The following ENOSF1 variants were observed in gnomAD, a reference collection of about 807,000 sequenced individuals.
The protein encoded by ENOSF1 is mitochondrial enolase superfamily member 1.
ENOSF1 carries 73 observed loss-of-function variants against 68.2 expected under a neutral mutation model. The ratio of observed to expected loss-of-function variants is 1.07; its 90% CI spans 0.89 to 1.30. ENOSF1 has a LOEUF of 1.30. ENOSF1 is among the 50% of genes most tolerant of loss of function. ENOSF1 has a pLI of 0.00. For missense variants in ENOSF1, 589 were observed against 554.5 expected (o/e 1.06, Z -0.62); for synonymous variants, 223 against 210.4 (o/e 1.06, Z -0.52).
At chr18:700,518 T>C (rs2078222991) in intron 2 of ENOSF1, among the ~76,000 whole-genome samples, 1 of 152,178 alleles carries the variant, frequency 6.6e-6, no homozygotes, top group South Asian at 2.1e-4. Context: ...CAAGCAGCAC[T>C]TATGTATTCA....
intron 2 of ENOSF1, among the ~76,000 whole-genome samples, chr18:700,711 C>T (rs1230375487): frequency 6.6e-6 from 1 of 151,800 alleles, no homozygotes; most frequent in Non-Finnish European, 1.5e-5. Flanking sequence ...ATGGTGAAAC[C>T]CTGTCTCTAC....
At chr18:677,267 T>C (rs1052450299) in intron 14 of ENOSF1, 78 bp downstream of exon 14, 8 of 1,218,386 alleles carry the variant, frequency 6.6e-6, no homozygotes, top group African/African-American at 3.0e-5. Flanking sequence ...GTTCTGGTCA[T>C]GAAGGCAGAA....
intron 9 of ENOSF1, chr18:688,167 CAA>C (rs113399783): frequency 7.5e-5 from 11 of 145,846 alleles, no homozygotes; most frequent in Admixed American, 1.4e-4. Flanking sequence ...AACTTCATCT[CAA>C]AAAAAAAAAA....
intron 5 of ENOSF1, 156 bp downstream of exon 5, chr18:693,726 G>C (rs2077437314): frequency 1.0e-6 from 1 of 985,232 alleles, no homozygotes; most frequent in Admixed American, 6.2e-5. Context: ...TCAGATATCA[G>C]AAAAGGAATG....
chr18:707,470 G>A (rs2145483950), intron 1 of ENOSF1: 1 of 152,334 alleles, frequency 6.6e-6, no homozygotes, highest in East Asian at 1.9e-4. Context: ...CTCACTTATA[G>A]CAGTTTATAG....
At chr18:708,491 C>A (rs749784300) in intron 1 of ENOSF1, among the ~76,000 whole-genome samples, 1 of 151,684 alleles carries the variant, frequency 6.6e-6, no homozygotes, top group African/African-American at 2.4e-5. Context: ...GGCAACAAAG[C>A]GAGACCCCAT....
In ENOSF1 at chr18:670,674, C is replaced by A; in HGVS notation, c.*3631G>T. Reference sequence around the variant, plus strand: ...TCAAACCACCATCCCTCCTTATCTTCCTCTGCTGGTTCCTCAGATCTTCCT... The same window carrying A: ...TCAAACCACCATCCCTCCTTATCTTACTCTGCTGGTTCCTCAGATCTTCCT... On this transcript the variant is annotated 3_prime_UTR_variant, in exon 16 of 16. Transcript: ENST00000647584. 6.2e-7 allele frequency: 1 copy of A among 1,612,926 alleles called. No homozygotes were observed. Among genetic ancestry groups the A allele is most frequent in the South Asian group, 1.1e-5 (1 of 90,938 alleles).
downstream of ENOSF1, chr18:669,454 C>T (rs992974244): frequency 8.1e-5 from 21 of 258,552 alleles, no homozygotes; most frequent in African/African-American, 4.7e-4. Flanking sequence ...CTCACTGTAA[C>T]CTCTGCCTCC....
At chr18:693,055 C>T in intron 5 of ENOSF1, 1 of 1,282,284 alleles carries the variant, frequency 7.8e-7, no homozygotes, top group East Asian at 5.6e-5. Context: ...GTCACATGCT[C>T]AAGGTCATGC....
At chr18:699,877 T>G (rs928768440) in intron 2 of ENOSF1, among the ~76,000 whole-genome samples, 1 of 152,180 alleles carries the variant, frequency 6.6e-6, no homozygotes, top group African/African-American at 2.4e-5. Flanking sequence ...GTCAAGAGTT[T>G]GAGACCAGCT....
chr18:712,488 T>C lies in ENOSF1; in HGVS notation c.84+16A>G, dbSNP rs1370587718. On this transcript the variant is annotated intron_variant, in intron 1 of 15. Coordinates refer to ENST00000647584, the MANE Select transcript of ENOSF1 (RefSeq NM_017512.7). The stretch of plus-strand genomic sequence containing the variant: ...CTTACCATGGCGTCCGCGCTTACCA[T>C]GGCGTCCGCGCTTACCATGGCGTCC... The C allele has an allele frequency of 1.0e-5, 16 of 1,534,016 alleles. 1 individual carries two copies. The highest frequency in any genetic ancestry group is 1.9e-4 in the Middle Eastern group (1 of 5,244).
chr18:685,344 G>A (rs2076514986), intron 10 of ENOSF1, among the ~76,000 whole-genome samples: 1 of 151,080 alleles, frequency 6.6e-6, no homozygotes, highest in African/African-American at 2.4e-5. Context: ...TTTGGATACA[G>A]ATGACTTCAT....
At chr18:708,272 G>A (rs1413692314) in intron 1 of ENOSF1, among the ~76,000 whole-genome samples, 1 of 152,172 alleles carries the variant, frequency 6.6e-6, no homozygotes, top group Non-Finnish European at 1.5e-5. Context: ...CCAGTGGCAG[G>A]AAATCAGTGT....
intron 11 of ENOSF1, among the ~76,000 whole-genome samples, chr18:682,715 CAA>C (rs35814994): frequency 8.8e-5 from 5 of 56,662 alleles, no homozygotes; most frequent in Non-Finnish European, 1.6e-4. Context: ...CTAAAAATAC[CAA>C]AAAAAAAAAA....
At position 673,277 on chromosome 18, in the gene ENOSF1, C is replaced by T. The variant is rs2075151713; in HGVS notation, c.*1028G>A. On this transcript the variant is annotated 3_prime_UTR_variant, in exon 16 of 16. Transcript: ENST00000647584. ...GAAATGTATGTGCTCTTAGCAAAAA[C>T]ATGTATGTGCATTTCAATCCCACGT... is the stretch of plus-strand genomic sequence containing the variant. The T allele has an allele frequency of 3.6e-6, 1 of 277,544 alleles. No homozygotes were observed. Among genetic ancestry groups the T allele is most frequent in the African/African-American group, 2.1e-5 (1 of 46,604 alleles). The allele number at this position is 277,544 out of a possible 1,614,324, so 17.2% of individuals were successfully genotyped here.
chr18:671,030 T>C lies in ENOSF1; in HGVS notation c.*3275A>G. ...CTTTTACTTTGAAACCTTCCTCTTC[T>C]GGAAGGTTTTCTGGCCCTGTGGTAT... On this transcript the variant is annotated 3_prime_UTR_variant, in exon 16 of 16. Transcript: ENST00000647584. The C allele has an allele frequency of 2.4e-6, 2 of 843,976 alleles. No individual in the cohort carries two copies. Among genetic ancestry groups the C allele is most frequent in the Non-Finnish European group, 3.6e-6 (2 of 558,424 alleles). The allele number at this position is 843,976 out of a possible 1,614,324, so 52.3% of individuals were successfully genotyped here.
At position 686,114 on chromosome 18, in the gene ENOSF1, G is replaced by GT. The variant is rs1431467290; in HGVS notation, c.654-107dup. Reference sequence around the variant, plus strand: ...GTCTCTGTCAACAATTCACAGATATGTTTTTTAGTAACCTCTTGCTCTTTC... The same window carrying GT: ...GTCTCTGTCAACAATTCACAGATATGTTTTTTTAGTAACCTCTTGCTCTTTC... On this transcript the variant is annotated intron_variant, in intron 9 of 15. Coordinates refer to ENST00000647584, the MANE Select transcript of ENOSF1 (RefSeq NM_017512.7). 5 of 803,810 alleles carry GT rather than the reference G, an allele frequency of 6.2e-6. No individual in the cohort carries two copies. The East Asian group carries it at 1.2e-4, about 20-fold the overall frequency. The allele number at this position is 803,810 out of a possible 1,614,324, so 49.8% of individuals were successfully genotyped here. A position where few individuals can be genotyped will look rare whatever the true frequency, so the allele number is the denominator to read the frequency against.
Position 673,060 on chromosome 18 carries a change from TAA to T in ENOSF1, c.*1243_*1244del. ...TTAGGGGTTGGGCTGGATGCCGAGGTAAAAGTTCTTTTTGCTCTAAAAGAAAA... is the reference window on the plus strand; with the variant it reads ...TTAGGGGTTGGGCTGGATGCCGAGGTAAGTTCTTTTTGCTCTAAAAGAAAA... On this transcript the variant is annotated 3_prime_UTR_variant, in exon 16 of 16. Transcript: ENST00000647584. The T allele has an allele frequency of 7.0e-7, 1 of 1,431,622 alleles. No individual in the cohort carries two copies. The highest frequency in any genetic ancestry group is 2.2e-5 in the Admixed American group (1 of 46,036). 88.7% of individuals were successfully genotyped at this position (1,431,622 alleles called of 1,614,324 possible).
chr18:678,695 C>G lies in ENOSF1; in HGVS notation c.918+1G>C. On this transcript the variant is annotated splice_donor_variant, in intron 12 of 15. Transcript: ENST00000647584. LOFTEE classifies it high-confidence loss of function. ...ATCCACCTGTTGGGGGCGTCACTCACCTGTTCTCCTGTGGCAATGCCAATT... is the reference window on the plus strand; with the variant it reads ...ATCCACCTGTTGGGGGCGTCACTCAGCTGTTCTCCTGTGGCAATGCCAATT... 6.2e-7 allele frequency: 1 copy of G among 1,613,968 alleles called. No homozygotes were observed. The highest frequency in any genetic ancestry group is 1.3e-5 in the African/African-American group (1 of 75,058).
Sources: allele counts gnomAD v4.1 joint callset (sites outside exome capture counted in the v4.1 genomes callset), GRCh38; gene constraint gnomAD v4.1.1; transcripts MANE v1.5; gene names NCBI Gene and HGNC (gene_info 2026-07-23, HGNC 2026-07-21).